MDGA2: variants seen among roughly 807,000 people sequenced by gnomAD.
MDGA2 encodes MAM domain containing glycosylphosphatidylinositol anchor 2, also known as MAM domain-containing glycosylphosphatidylinositol anchor protein 2.
A neutral mutation model predicts 117.8 loss-of-function variants in MDGA2; 40 were observed. The observed-to-expected ratio is 0.34, with a 90% confidence interval of 0.26 to 0.44. MDGA2 has a LOEUF of 0.44. Among genes scored for constraint, MDGA2 ranks in the 20% least tolerant of loss-of-function variants. The probability of loss-of-function intolerance (pLI) is 1.00; values close to 1 mark genes in which losing one functional copy is unlikely to be tolerated. For missense variants in MDGA2, 1,123 were observed against 1,250.6 expected (o/e 0.90, Z 1.54); for synonymous variants, 452 against 439.0 (o/e 1.03, Z -0.37).
chr14:47,227,753 A>C (rs1174358141), intron 2 of MDGA2, among the ~76,000 whole-genome samples: 1 of 152,130 alleles, frequency 6.6e-6, no homozygotes, highest in Non-Finnish European at 1.5e-5. Context: ...TCCACAATGC[A>C]CCCAAAGTAG....
intron 5 of MDGA2, among the ~76,000 whole-genome samples, chr14:47,106,249 CAA>C (rs1187521116): frequency 6.6e-6 from 1 of 152,068 alleles, no homozygotes; most frequent in African/African-American, 2.4e-5. Flanking sequence ...AATAAAACTC[CAA>C]AAATTAAATT....
intron 2 of MDGA2, among the ~76,000 whole-genome samples, chr14:47,225,771 C>G (rs999269611): frequency 8.6e-5 from 13 of 151,806 alleles, no homozygotes; most frequent in African/African-American, 3.1e-4. Flanking sequence ...ATGTAACTAA[C>G]CAGCACATTG....
chr14:46,950,462 G>C (rs931844509), intron 9 of MDGA2, among the ~76,000 whole-genome samples: 1 of 151,940 alleles, frequency 6.6e-6, no homozygotes, highest in Non-Finnish European at 1.5e-5. Flanking sequence ...ATTACAGAAG[G>C]CTGTACATAG....
At chr14:47,226,216 C>CATAA (rs201861877) in intron 2 of MDGA2, among the ~76,000 whole-genome samples, 17,154 of 142,798 alleles carry the variant, frequency 0.12, 1,114 homozygotes, top group African/African-American at 0.14. Flanking sequence ...ACTGTCTCAC[C>CATAA]ATAAATAAAT....
intron 2 of MDGA2, among the ~76,000 whole-genome samples, chr14:47,239,343 A>G (rs935690900): frequency 6.6e-6 from 1 of 151,734 alleles, no homozygotes; most frequent in African/African-American, 2.4e-5. Context: ...AATCATAAAT[A>G]TTTCACTATA....
intron 6 of MDGA2, among the ~76,000 whole-genome samples, chr14:47,062,777 A>G (rs896891774): frequency 3.9e-5 from 6 of 152,112 alleles, no homozygotes; most frequent in African/African-American, 1.4e-4. Context: ...AGTAAGCACT[A>G]TAAAAATCTA....
chr14:46,943,383 C>G (rs1277585020), intron 9 of MDGA2, among the ~76,000 whole-genome samples: 2 of 151,928 alleles, frequency 1.3e-5, no homozygotes, highest in African/African-American at 4.8e-5. Context: ...ATCTTAAACT[C>G]ATTTACATTT....
At chr14:47,027,566 A>G (rs1888519306) in intron 8 of MDGA2, among the ~76,000 whole-genome samples, 1 of 151,662 alleles carries the variant, frequency 6.6e-6, no homozygotes, top group East Asian at 1.9e-4. Context: ...CACATACTTG[A>G]TAAACTGATC....
intron 1 of MDGA2, among the ~76,000 whole-genome samples, chr14:47,542,542 T>G (rs1895373763): frequency 6.6e-6 from 1 of 152,212 alleles, no homozygotes. Context: ...TTATTTAATT[T>G]TAGTGATATT....
intron 3 of MDGA2, chr14:47,201,099 C>T (rs781111122): frequency 6.8e-5 from 57 of 836,604 alleles, no homozygotes; most frequent in Non-Finnish European, 1.1e-4. Flanking sequence ...CCTGCACCTC[C>T]GCCATCTTCG....
intron 3 of MDGA2, among the ~76,000 whole-genome samples, chr14:47,160,737 T>A (rs1479899438): frequency 6.6e-6 from 1 of 152,218 alleles, no homozygotes; most frequent in Non-Finnish European, 1.5e-5. Context: ...TCATTGAGAA[T>A]CAATTAAATT....
chr14:47,600,606 G>A (rs989772876), intron 1 of MDGA2, among the ~76,000 whole-genome samples: 16 of 151,710 alleles, frequency 1.1e-4, no homozygotes, highest in African/African-American at 2.9e-4. Flanking sequence ...CTATGCTGTT[G>A]AGATAAAAGG....
chr14:47,170,503 G>C (rs774548467), intron 3 of MDGA2, among the ~76,000 whole-genome samples: 4 of 152,076 alleles, frequency 2.6e-5, no homozygotes, highest in African/African-American at 4.8e-5. Flanking sequence ...TCACCTGCTA[G>C]TTTCTCAGAG....
intron 11 of MDGA2, among the ~76,000 whole-genome samples, chr14:46,881,616 G>A (rs1882463771): frequency 6.6e-6 from 1 of 152,014 alleles, no homozygotes; most frequent in Non-Finnish European, 1.5e-5. Flanking sequence ...TATACTTCCT[G>A]CCAATTTTCT....
At chr14:47,569,823 C>A (rs1028115500) in intron 1 of MDGA2, among the ~76,000 whole-genome samples, 3 of 152,102 alleles carry the variant, frequency 2.0e-5, no homozygotes, top group African/African-American at 7.2e-5. Context: ...CACTTATGTA[C>A]AATTAATAAC....
intron 3 of MDGA2, among the ~76,000 whole-genome samples, chr14:47,213,873 G>A (rs529741195): frequency 2.6e-5 from 4 of 152,258 alleles, no homozygotes; most frequent in South Asian, 4.1e-4. Flanking sequence ...GGCGACCTCA[G>A]TAAACTTACA....
chr14:47,509,816 G>T (rs879342825), intron 1 of MDGA2, among the ~76,000 whole-genome samples: 1 of 152,172 alleles, frequency 6.6e-6, no homozygotes, highest in Non-Finnish European at 1.5e-5. Flanking sequence ...AACATAACAT[G>T]TTTAATTTCA....
chr14:47,000,426 T>A (rs1393446734), intron 8 of MDGA2, among the ~76,000 whole-genome samples: 2 of 137,530 alleles, frequency 1.5e-5, no homozygotes, highest in Non-Finnish European at 3.1e-5. Flanking sequence ...TATACACATA[T>A]AAATATATAT....
intron 3 of MDGA2, among the ~76,000 whole-genome samples, chr14:47,198,757 T>C (rs1885384292): frequency 6.6e-6 from 1 of 152,184 alleles, no homozygotes; most frequent in African/African-American, 2.4e-5. Flanking sequence ...GACATTTGGA[T>C]GAAGAATAAA....
Sources: allele counts gnomAD v4.1 joint callset (sites outside exome capture counted in the v4.1 genomes callset), GRCh38; gene constraint gnomAD v4.1.1; transcripts MANE v1.5; gene names NCBI Gene and HGNC (gene_info 2026-07-23, HGNC 2026-07-21).